The following PRKCB variants were observed in gnomAD, a reference collection of about 807,000 sequenced individuals.
PRKCB encodes the protein protein kinase C beta.
A neutral mutation model predicts 81.5 loss-of-function variants in PRKCB; 13 were observed. The observed-to-expected ratio is 0.16, with a 90% CI of 0.10 to 0.25. The LOEUF is 0.25. Among genes scored for constraint, PRKCB ranks in the 10% least tolerant of loss-of-function variants. The probability of loss-of-function intolerance (pLI) is 1.00; values close to 1 mark genes in which losing one functional copy is unlikely to be tolerated. For missense variants in PRKCB, 509 were observed against 875.7 expected (o/e 0.58, Z 5.29); for synonymous variants, 335 against 321.4 (o/e 1.04, Z -0.45).
At chr16:24,062,311 G>C (rs1965983958) in intron 5 of PRKCB, among the ~76,000 whole-genome samples, 1 of 152,154 alleles carries the variant, frequency 6.6e-6, no homozygotes, top group African/African-American at 2.4e-5. Context: ...CTTGGCCATT[G>C]CCTGCCACCA....
At chr16:24,021,844 A>G (rs1596516192) in intron 3 of PRKCB, among the ~76,000 whole-genome samples, 2 of 152,146 alleles carry the variant, frequency 1.3e-5, no homozygotes, top group East Asian at 3.9e-4. Flanking sequence ...GACATAGAGG[A>G]CTCAGCACAG....
chr16:23,970,149 G>C (rs1964538147), intron 2 of PRKCB, among the ~76,000 whole-genome samples: 1 of 152,222 alleles, frequency 6.6e-6, no homozygotes, highest in Non-Finnish European at 1.5e-5. Context: ...TGACAAGAAG[G>C]CTGAGTTAAG....
At chr16:24,169,979 A>G (rs1967416369) in intron 10 of PRKCB, among the ~76,000 whole-genome samples, 1 of 152,094 alleles carries the variant, frequency 6.6e-6, no homozygotes, top group South Asian at 2.1e-4. Context: ...ACAGGGTTTC[A>G]CTATGTTAGC....
At chr16:24,135,438 G>A (rs1472113718) in intron 9 of PRKCB, among the ~76,000 whole-genome samples, 2 of 148,894 alleles carry the variant, frequency 1.3e-5, no homozygotes, top group Admixed American at 1.4e-4. Context: ...TCAGCCTCCC[G>A]AGTGGCTGGG....
chr16:24,205,624 G>A (rs963314284), intron 16 of PRKCB, among the ~76,000 whole-genome samples: 8 of 152,210 alleles, frequency 5.3e-5, no homozygotes, highest in African/African-American at 1.9e-4. Flanking sequence ...GGGGATTAAA[G>A]GAGGTAAAGC....
At chr16:24,184,997 T>C (rs1967681483) in intron 13 of PRKCB, 114 bp from the exon 14 acceptor site, 3 of 868,008 alleles carry the variant, frequency 3.5e-6, no homozygotes, top group Admixed American at 4.3e-5. Flanking sequence ...GAATAGCTAA[T>C]ATAAAGAAAC....
intron 5 of PRKCB, among the ~76,000 whole-genome samples, chr16:24,085,039 T>C (rs1313533894): frequency 4.0e-5 from 6 of 151,744 alleles, no homozygotes. Flanking sequence ...TCAGAAGCGA[T>C]TGAATGGCTT....
At chr16:23,917,328 C>G (rs1963755861) in intron 2 of PRKCB, among the ~76,000 whole-genome samples, 1 of 152,178 alleles carries the variant, frequency 6.6e-6, no homozygotes, top group Non-Finnish European at 1.5e-5. Context: ...GATGATCCAC[C>G]TGCCTCCCAA....
chr16:23,900,529 G>T (rs771577035), intron 2 of PRKCB, among the ~76,000 whole-genome samples: 1 of 152,084 alleles, frequency 6.6e-6, no homozygotes, highest in East Asian at 1.9e-4. Context: ...CTCTGGAGGA[G>T]TACTACTGTC....
chr16:23,949,456 A>G (rs1419320246), intron 2 of PRKCB, among the ~76,000 whole-genome samples: 1 of 152,194 alleles, frequency 6.6e-6, no homozygotes, highest in East Asian at 1.9e-4. Flanking sequence ...GGCCAACCTC[A>G]GTTGATTCTC....
chr16:23,965,226 T>C (rs1964472289), intron 2 of PRKCB, among the ~76,000 whole-genome samples: 1 of 152,252 alleles, frequency 6.6e-6, no homozygotes, highest in Non-Finnish European at 1.5e-5. Flanking sequence ...CTCCCACTTA[T>C]AAGTGAGAAT....
At chr16:24,062,511 T>C (rs1023236891) in intron 5 of PRKCB, among the ~76,000 whole-genome samples, 1 of 152,244 alleles carries the variant, frequency 6.6e-6, no homozygotes, top group Non-Finnish European at 1.5e-5. Context: ...CCTTGACATT[T>C]TACTTTCTCA....
chr16:24,072,422 C>G (rs1341719152), intron 5 of PRKCB, among the ~76,000 whole-genome samples: 1 of 151,992 alleles, frequency 6.6e-6, no homozygotes, highest in African/African-American at 2.4e-5. Flanking sequence ...CATGCACCAC[C>G]ATGCTCAGAT....
intron 2 of PRKCB, among the ~76,000 whole-genome samples, chr16:23,925,018 A>G (rs1431028245): frequency 6.6e-6 from 1 of 152,044 alleles, no homozygotes; most frequent in Admixed American, 6.5e-5. Context: ...CCCTATTTCA[A>G]TTCATTAGGT....
intron 5 of PRKCB, among the ~76,000 whole-genome samples, chr16:24,062,695 T>C (rs1344336229): frequency 1.3e-5 from 2 of 152,038 alleles, no homozygotes; most frequent in African/African-American, 2.4e-5. Flanking sequence ...ACATTTGATC[T>C]CCCCTTGCTT....
In PRKCB at chr16:24,018,047, C is replaced by T. The variant is rs181617727; in HGVS notation, c.289-14089C>T. 3.2e-4 allele frequency among the ~76,000 whole-genome samples: 49 copies of T among 151,628 alleles called. No individual in the cohort carries two copies. The East Asian group carries it at 7.2e-3, about 22-fold the overall frequency. ...CCGAGTAGCTGGGACTACAGGTGCC[C>T]GCCACCACGCCCAGCTAATTTTTTG... On this transcript the variant is annotated intron_variant, in intron 3 of 16. Coordinates refer to ENST00000643927, the MANE Select transcript of PRKCB (RefSeq NM_002738.7).
chr16:24,063,023 A>G (rs566979851), intron 5 of PRKCB, among the ~76,000 whole-genome samples: 1 of 151,904 alleles, frequency 6.6e-6, no homozygotes, highest in East Asian at 2.0e-4. Context: ...TTCTGTCCCA[A>G]TTCCTCTGCT....
chr16:24,200,448 C>T (rs955705405), intron 16 of PRKCB, among the ~76,000 whole-genome samples: 19 of 152,196 alleles, frequency 1.2e-4, no homozygotes, highest in Non-Finnish European at 2.8e-4. Context: ...TTGGAATTGT[C>T]AGGTTCCTGA....
At chr16:24,169,160 C>T (rs998474918) in intron 10 of PRKCB, among the ~76,000 whole-genome samples, 2 of 152,022 alleles carry the variant, frequency 1.3e-5, no homozygotes, top group African/African-American at 2.4e-5. Context: ...AGTCAGAAAA[C>T]GTGGAGTCAG....
Sources: gnomAD v4.1 joint callset for allele counts (sites outside exome capture counted in the v4.1 genomes callset) on GRCh38, gnomAD v4.1.1 for gene constraint, MANE v1.5 for transcripts, NCBI Gene and HGNC (gene_info 2026-07-23, HGNC 2026-07-21) for gene names.